Variants in FAM234A observed in about 807,000 individuals in gnomAD.
The protein encoded by FAM234A is protein FAM234A.
Under a neutral mutation model 49.1 loss-of-function variants are expected in FAM234A, and 42 were observed. The observed-to-expected ratio is 0.86, with a 90% CI of 0.67 to 1.11. The LOEUF (loss-of-function observed/expected upper bound fraction) is 1.11, where lower values mean the gene tolerates loss of function less well. Among genes scored for constraint, FAM234A ranks in the 50% least tolerant of loss-of-function variants. The pLI is 0.00. For missense variants in FAM234A, 815 were observed against 745.2 expected (o/e 1.09, Z -1.09); for synonymous variants, 369 against 316.2 (o/e 1.17, Z -1.77).
chr16:244,752 G>C (rs7199854), intron 1 of FAM234A, among the ~76,000 whole-genome samples: 1 of 141,670 alleles, frequency 7.1e-6, no homozygotes, highest in African/African-American at 2.6e-5. Context: ...GGAATGGCAC[G>C]ATCTTGGCCA....
intron 1 of FAM234A, among the ~76,000 whole-genome samples, chr16:239,471 C>CGGACGTGGTG (rs1567206357): frequency 6.7e-6 from 1 of 149,970 alleles, no homozygotes; most frequent in African/African-American, 2.5e-5. Context: ...AAAAACTAGT[C>CGGACGTGGTG]GGACGTGGTG....
At chr16:248,080 T>G (rs1035313335) in intron 1 of FAM234A, among the ~76,000 whole-genome samples, 1 of 152,056 alleles carries the variant, frequency 6.6e-6, no homozygotes, top group African/African-American at 2.4e-5. Flanking sequence ...GTTTCTGTCT[T>G]CCCTCACACG....
chr16:264,067 C>T lies in FAM234A; in HGVS notation c.1240C>T (p.Pro414Ser). ...AGCCGTCCTGTGTAGCCTAGCCCTC[C>T]CGAGCCTCCCTGGGGGTCCACTGTC... is the stretch of plus-strand genomic sequence containing the variant. ...TGAVLCSLAL[P>S]SLPGGPLSAS... is the part of the protein sequence containing the mutation. The change falls in exon 11 of 13, where the codon CCG (proline) becomes TCG (serine). Residue 414 changes from proline to serine, a missense_variant. Pro to Ser is a moderately conservative substitution (Grantham distance 74). Transcript: ENST00000399932. The T allele has an allele frequency of 6.2e-7, 1 of 1,613,156 alleles. No individual in the cohort carries two copies.
At chr16:257,367 T>C (rs1272944533) in intron 3 of FAM234A, among the ~76,000 whole-genome samples, 3 of 144,630 alleles carry the variant, frequency 2.1e-5, no homozygotes, top group Non-Finnish European at 3.0e-5. Context: ...TGCCTCAGCC[T>C]CCCAAGTAGC....
chr16:264,538 A>G (rs2051614649), intron 11 of FAM234A, 76 bp from the exon 12 acceptor site: 3 of 1,002,838 alleles, frequency 3.0e-6, no homozygotes, highest in Non-Finnish European at 4.6e-6. Flanking sequence ...AGCTCCAGGC[A>G]CGGTCACTCT....
chr16:255,405 C>A (rs1451378712), intron 3 of FAM234A, among the ~76,000 whole-genome samples: 1 of 152,110 alleles, frequency 6.6e-6, no homozygotes, highest in Non-Finnish European at 1.5e-5. Context: ...CAGACCGCAT[C>A]TCTACAAAAA....
At chr16:263,889 G>C (rs1344094872) in intron 10 of FAM234A, 114 bp downstream of exon 10, 2 of 1,393,978 alleles carry the variant, frequency 1.4e-6, no homozygotes, top group African/African-American at 2.8e-5. Flanking sequence ...CTGCTGAGAA[G>C]GTTCTGCCTC....
Position 257,716 on chromosome 16 carries a change from T to G in FAM234A, c.269-1767T>G, listed in dbSNP as rs141520072. On this transcript the variant is annotated intron_variant, in intron 3 of 12. Transcript: ENST00000399932. ...AGATTCAACTTCATGCTGGGCGCAG[T>G]GGCTCACACCTGTAATTCCAGCAGT... is the stretch of plus-strand genomic sequence containing the variant. Among the ~76,000 whole-genome samples, 401 of 152,270 alleles carry G rather than the reference T, an allele frequency of 2.6e-3. 1 individual carries two copies. Among genetic ancestry groups the G allele is most frequent in the African/African-American group, 9.2e-3 (384 of 41,562 alleles).
chr16:267,894 CCA>C (rs1281444249), downstream of FAM234A, among the ~76,000 whole-genome samples: 3 of 142,842 alleles, frequency 2.1e-5, no homozygotes, highest in Non-Finnish European at 4.5e-5. Flanking sequence ...CATGCACATA[CCA>C]CACATGCATG....
downstream of FAM234A, chr16:268,948 T>A (rs2051792586): frequency 6.5e-7 from 1 of 1,550,150 alleles, no homozygotes. Context: ...CACCCAGTGC[T>A]GGACTGAAGA....
rs1259961709 is a variant in FAM234A, at chr16:265,119, A to T, written c.*97A>T. The T allele has an allele frequency of 9.0e-5, 132 of 1,471,660 alleles. No individual in the cohort carries two copies. The highest frequency in any genetic ancestry group is 1.1e-4 in the Non-Finnish European group (123 of 1,116,356). The allele number at this position is 1,471,660 out of a possible 1,614,324, so 91.2% of individuals were successfully genotyped here. ...CCTGGGTCTCTGCACTGACTCCCCC[A>T]CTCCTGACCCTGGTGATGGTCGCCA... On this transcript the variant is annotated 3_prime_UTR_variant, in exon 13 of 13. Coordinates refer to ENST00000399932, the MANE Select transcript of FAM234A (RefSeq NM_032039.4).
intron 3 of FAM234A, among the ~76,000 whole-genome samples, chr16:258,142 C>T (rs898138819): frequency 1.1e-4 from 16 of 151,474 alleles, no homozygotes; most frequent in Non-Finnish European, 1.9e-4. Flanking sequence ...GCGTGAGCCA[C>T]CTCACCCGGC....
At chr16:266,460 G>A (rs2051696413), downstream of FAM234A, among the ~76,000 whole-genome samples, 1 of 152,206 alleles carries the variant, frequency 6.6e-6, no homozygotes, top group Non-Finnish European at 1.5e-5. Context: ...TAGGGCCGGG[G>A]TGAGCTCTGG....
rs775376009 is a variant in FAM234A, at chr16:262,473, C to G, written c.891C>G (p.Thr297=). The change falls in exon 8 of 13, where the codon ACC becomes ACG. Residue 297 remains threonine (T), a synonymous_variant. Transcript: ENST00000399932. ...CSVKGLYEKV[T]GSGGPFKSDP... ...TGAAGGGTCTCTACGAGAAGGTGAC[C>G]GGGAGCGGCGGCCCGTTCAAGAGTG... 10 of 1,611,980 alleles carry G rather than the reference C, an allele frequency of 6.2e-6. No homozygotes were observed. The highest frequency in any genetic ancestry group is 7.6e-6 in the Non-Finnish European group (9 of 1,179,150).
At chr16:268,142 A>G (rs1367773306), downstream of FAM234A, among the ~76,000 whole-genome samples, 1 of 140,106 alleles carries the variant, frequency 7.1e-6, no homozygotes, top group Non-Finnish European at 1.5e-5. Context: ...CACACACACC[A>G]CATATGCATG....
intron 1 of FAM234A, among the ~76,000 whole-genome samples, chr16:238,776 A>AAG (rs1166708388): frequency 2.0e-5 from 3 of 146,370 alleles, no homozygotes; most frequent in African/African-American, 7.6e-5. Context: ...AAAAAAAAAA[A>AAG]AAAAAAAAAA....
chr16:258,690 G>A (rs541349942), intron 3 of FAM234A, among the ~76,000 whole-genome samples: 2 of 152,338 alleles, frequency 1.3e-5, no homozygotes, highest in African/African-American at 4.8e-5. Flanking sequence ...AGACGGGGTG[G>A]TAGCCGGGCA....
chr16:241,372 A>G (rs1458003936), intron 1 of FAM234A, among the ~76,000 whole-genome samples: 2 of 152,166 alleles, frequency 1.3e-5, no homozygotes, highest in African/African-American at 2.4e-5. Context: ...ACATGAACCC[A>G]GGAGTTACAG....
At chr16:261,645 C>A in intron 6 of FAM234A, 131 bp downstream of exon 6, 2 of 1,106,620 alleles carry the variant, frequency 1.8e-6, no homozygotes, top group Non-Finnish European at 2.5e-6. Flanking sequence ...TCGCCCAGAG[C>A]CCCACGTTCC....
Sources: allele counts gnomAD v4.1 joint callset (sites outside exome capture counted in the v4.1 genomes callset), GRCh38; gene constraint gnomAD v4.1.1; transcripts MANE v1.5; gene names NCBI Gene and HGNC (gene_info 2026-07-23, HGNC 2026-07-21).